The following C2CD3 variants were observed in gnomAD, a reference collection of about 807,000 sequenced individuals.
C2CD3 encodes C2 domain-containing protein 3.
A neutral mutation model predicts 234.0 loss-of-function variants in C2CD3; 148 were observed. The observed-to-expected ratio is 0.63, with a 90% CI of 0.55 to 0.72. The LOEUF (loss-of-function observed/expected upper bound fraction) is 0.72, where lower values mean the gene tolerates loss of function less well. C2CD3 is among the 30% of genes least tolerant of loss of function. The probability of loss-of-function intolerance (pLI) is 0.00; values close to 1 mark genes in which losing one functional copy is unlikely to be tolerated. For missense variants in C2CD3, 2,577 were observed against 2,811.5 expected (o/e 0.92, Z 1.89); for synonymous variants, 1,000 against 1,035.4 (o/e 0.97, Z 0.66).
intron 26 of C2CD3, among the ~76,000 whole-genome samples, chr11:74,052,686 T>C (rs1953755479): frequency 6.6e-6 from 1 of 152,220 alleles, no homozygotes; most frequent in Non-Finnish European, 1.5e-5. Context: ...TCTTGCTGTA[T>C]TTATGAGGTT....
At chr11:74,054,570 T>A (rs191212909) in intron 26 of C2CD3, 37 bp downstream of exon 26, 2 of 1,232,144 alleles carry the variant, frequency 1.6e-6, no homozygotes, top group East Asian at 4.7e-5. Flanking sequence ...AGCTTATTTT[T>A]ACAAGCAAGC....
intron 32 of C2CD3, among the ~76,000 whole-genome samples, chr11:74,015,563 G>T (rs1951848833): frequency 6.6e-6 from 1 of 152,128 alleles, no homozygotes. Flanking sequence ...TTCTTTCTCT[G>T]CTACTCTGAA....
chr11:74,141,124 C>A (rs1383002252), intron 3 of C2CD3, among the ~76,000 whole-genome samples: 1 of 152,106 alleles, frequency 6.6e-6, no homozygotes, highest in Non-Finnish European at 1.5e-5. Flanking sequence ...TGCCCTAACA[C>A]AAAAATGAAA....
chr11:74,032,357 A>G (rs1364259136), intron 31 of C2CD3, among the ~76,000 whole-genome samples: 1 of 152,070 alleles, frequency 6.6e-6, no homozygotes, highest in East Asian at 1.9e-4. Flanking sequence ...GCTTGTTGGG[A>G]TAGCAGGTGA....
chr11:74,092,285 C>T, intron 19 of C2CD3, 131 bp downstream of exon 19: 1 of 710,718 alleles, frequency 1.4e-6, no homozygotes, highest in Non-Finnish European at 2.4e-6. Flanking sequence ...GAACTCCTGA[C>T]CTCAGGTGAT....
rs755226761 is a variant in C2CD3 at position 74,139,589 on chromosome 11, T to C, written c.707+16A>G. 4 of 1,516,956 alleles carry C rather than the reference T, an allele frequency of 2.6e-6. No individual in the cohort carries two copies. In the Admixed American group the frequency reaches 6.7e-5, roughly 25 times the overall value. The allele number at this position is 1,516,956 out of a possible 1,614,324, so 94.0% of individuals were successfully genotyped here. On this transcript the variant is annotated intron_variant, in intron 4 of 32. Coordinates refer to ENST00000334126, the MANE Select transcript of C2CD3 (RefSeq NM_001286577.2). ...AGTTAACTGACAGATTGACTGGTATTAGGTATGGTAATTACCTCGGAGTGG... is the reference window on the plus strand; with the variant it reads ...AGTTAACTGACAGATTGACTGGTATCAGGTATGGTAATTACCTCGGAGTGG...
chr11:74,120,550 C>T (rs906285159), intron 8 of C2CD3, among the ~76,000 whole-genome samples: 1 of 152,122 alleles, frequency 6.6e-6, no homozygotes, highest in African/African-American at 2.4e-5. Context: ...GGGTTGGTTC[C>T]AAGGCTTTGC....
At chr11:74,020,521 T>C (rs1276148359) in intron 32 of C2CD3, among the ~76,000 whole-genome samples, 1 of 152,124 alleles carries the variant, frequency 6.6e-6, no homozygotes, top group Non-Finnish European at 1.5e-5. Context: ...AGGAAATGAG[T>C]GGTTTGGAGT....
chr11:74,044,663 A>G (rs1411130221), intron 28 of C2CD3, among the ~76,000 whole-genome samples: 1 of 152,156 alleles, frequency 6.6e-6, no homozygotes, highest in African/African-American at 2.4e-5. Context: ...CCAGGTACTA[A>G]GCATATTACC....
rs141560536 is a variant in C2CD3, at chr11:74,146,710, CCACACACACACACACA to C, written c.484-6898_484-6883del. Among the ~76,000 whole-genome samples the C allele has an allele frequency of 7.1e-5, 6 of 85,004 alleles. No individual in the cohort carries two copies. In the East Asian group the frequency reaches 2.2e-3, roughly 31 times the overall value. 55.8% of individuals were successfully genotyped at this position (85,004 alleles called of 152,430 possible). A position where few individuals can be genotyped will look rare whatever the true frequency, so the allele number is the denominator to read the frequency against. On this transcript the variant is annotated intron_variant, in intron 3 of 32. Transcript: ENST00000334126. ...TTTGTCTACAAGGCTAAAAGTCAAACCACACACACACACACACACACACACACACACACACACAATT... is the reference window on the plus strand; with the variant it reads ...TTTGTCTACAAGGCTAAAAGTCAAACCACACACACACACACACACACAATT...
intron 32 of C2CD3, among the ~76,000 whole-genome samples, chr11:74,015,403 T>C (rs1951843415): frequency 6.6e-6 from 1 of 152,232 alleles, no homozygotes; most frequent in Non-Finnish European, 1.5e-5. Flanking sequence ...TGTAGCACTT[T>C]AAGCTTGTGT....
At chr11:74,169,625 G>T (rs1211172447) in intron 1 of C2CD3, among the ~76,000 whole-genome samples, 5 of 152,130 alleles carry the variant, frequency 3.3e-5, no homozygotes, top group African/African-American at 9.7e-5. Flanking sequence ...ATACACAGTT[G>T]TGTATACATT....
At chr11:74,105,325 C>T (rs1956475462) in intron 13 of C2CD3, among the ~76,000 whole-genome samples, 1 of 151,862 alleles carries the variant, frequency 6.6e-6, no homozygotes. Context: ...GGCTGGAGTG[C>T]AATGGTGCAA....
chr11:74,162,146 A>G (rs1475373217), intron 2 of C2CD3, among the ~76,000 whole-genome samples: 1 of 152,134 alleles, frequency 6.6e-6, no homozygotes, highest in Non-Finnish European at 1.5e-5. Context: ...ACAAGCTGTA[A>G]ATTGATCTAT....
intron 9 of C2CD3, among the ~76,000 whole-genome samples, chr11:74,117,054 A>G (rs1450756115): frequency 5.8e-5 from 4 of 69,292 alleles, no homozygotes; most frequent in Non-Finnish European, 1.0e-4. Context: ...GTGTGTATAT[A>G]TATATGAATA....
At chr11:74,040,723 T>C (rs112268215) in intron 29 of C2CD3, among the ~76,000 whole-genome samples, 11 of 152,088 alleles carry the variant, frequency 7.2e-5, no homozygotes, top group South Asian at 2.1e-4. Context: ...GCCACTGCAC[T>C]CCAGCCGGGG....
At chr11:74,024,505 T>C (rs1037613023) in intron 32 of C2CD3, among the ~76,000 whole-genome samples, 4 of 152,162 alleles carry the variant, frequency 2.6e-5, no homozygotes, top group Non-Finnish European at 4.4e-5. Context: ...AAGACTATTT[T>C]TGTCTCAAGT....
intron 31 of C2CD3, among the ~76,000 whole-genome samples, chr11:74,031,341 C>T (rs1207483241): frequency 4.6e-5 from 7 of 152,236 alleles, no homozygotes; most frequent in Admixed American, 4.6e-4. Context: ...CACCTCGCAC[C>T]ATCCCCTCAT....
At chr11:74,113,475 T>C in intron 11 of C2CD3, 1 of 341,708 alleles carries the variant, frequency 2.9e-6, no homozygotes, top group Non-Finnish European at 5.6e-6. Context: ...GGTCAGGGGT[T>C]TGAGACCACC....
Sources: allele counts gnomAD v4.1 joint callset (sites outside exome capture counted in the v4.1 genomes callset), GRCh38; gene constraint gnomAD v4.1.1; transcripts MANE v1.5; gene names NCBI Gene and HGNC (gene_info 2026-07-23, HGNC 2026-07-21).